DOCK4: variants seen among roughly 807,000 people sequenced by gnomAD.
DOCK4 encodes the protein dedicator of cytokinesis 4.
In DOCK4, 97 loss-of-function variants were observed where a neutral mutation model predicts 268.1. That is an observed-to-expected ratio of 0.36 (90% CI 0.31 to 0.43). The LOEUF is 0.43. DOCK4 is among the 20% of genes least tolerant of loss of function. The pLI, the probability that DOCK4 is intolerant of heterozygous loss-of-function variation, is 1.00. For synonymous variants in DOCK4, 954 were observed against 887.2 expected (o/e 1.08, Z -1.34); for missense variants, 2,145 against 2,455.7 (o/e 0.87, Z 2.67).
intron 1 of DOCK4, among the ~76,000 whole-genome samples, chr7:112,034,920 CA>C (rs1323693439): frequency 6.6e-6 from 1 of 151,494 alleles, no homozygotes; most frequent in Admixed American, 6.6e-5. Context: ...AACAAACAAA[CA>C]AAAAAAACAA....
At chr7:111,947,366 C>A (rs1255969786) in intron 8 of DOCK4, among the ~76,000 whole-genome samples, 2 of 152,182 alleles carry the variant, frequency 1.3e-5, no homozygotes, top group Admixed American at 6.5e-5. Context: ...GAATCAACTA[C>A]CTGGCTTATC....
intron 1 of DOCK4, among the ~76,000 whole-genome samples, chr7:112,066,629 T>C (rs1432984940): frequency 7.4e-6 from 1 of 135,856 alleles, no homozygotes. Flanking sequence ...TATACGTGTA[T>C]ATATACACAC....
chr7:111,873,976 G>T (rs1248197337), intron 17 of DOCK4, among the ~76,000 whole-genome samples: 2 of 152,136 alleles, frequency 1.3e-5, no homozygotes, highest in African/African-American at 4.8e-5. Context: ...ACATCCTGGG[G>T]TATGACTGAA....
intron 10 of DOCK4, among the ~76,000 whole-genome samples, chr7:111,941,105 T>C (rs1397189263): frequency 1.3e-5 from 2 of 152,144 alleles, no homozygotes; most frequent in East Asian, 3.9e-4. Context: ...CATTCATCAG[T>C]AGTAAAGGAA....
chr7:112,075,190 TG>T (rs1049184369), intron 1 of DOCK4, among the ~76,000 whole-genome samples: 6 of 152,168 alleles, frequency 3.9e-5, no homozygotes, highest in Non-Finnish European at 7.3e-5. Flanking sequence ...ACCTAATAGT[TG>T]AGCCAGGCAC....
intron 1 of DOCK4, among the ~76,000 whole-genome samples, chr7:112,135,655 T>C (rs781633902): frequency 6.6e-6 from 1 of 151,028 alleles, no homozygotes; most frequent in African/African-American, 2.4e-5. Flanking sequence ...AGGAATTAAA[T>C]ACCATCTAGA....
At chr7:111,822,536 G>A (rs940093236) in intron 26 of DOCK4, 80 bp from the exon 27 acceptor site, 6 of 1,181,950 alleles carry the variant, frequency 5.1e-6, no homozygotes, top group Non-Finnish European at 7.3e-6. Flanking sequence ...AGGCAGTACT[G>A]TTGTACTGTT....
intron 1 of DOCK4, among the ~76,000 whole-genome samples, chr7:112,179,224 C>T (rs906200235): frequency 1.3e-5 from 2 of 151,910 alleles, no homozygotes; most frequent in African/African-American, 2.4e-5. Context: ...CCTGTCTCTA[C>T]AAAAAATAAA....
rs1799347945 is a variant in DOCK4 at position 111,788,835 on chromosome 7, A to C, written c.3316-88T>G. The C allele has an allele frequency of 2.5e-6, 3 of 1,199,962 alleles. No homozygotes were observed. The African/African-American group carries it at 4.5e-5, about 18-fold the overall frequency. The allele number at this position is 1,199,962 out of a possible 1,614,324, so 74.3% of individuals were successfully genotyped here. A position where few individuals can be genotyped will look rare whatever the true frequency, so the allele number is the denominator to read the frequency against. ...TAAAACGTATTTCTTTGTGCCAAGG[A>C]AAAAGCCATGGTAAATTTTGTGAAA... On this transcript the variant is annotated intron_variant, in intron 31 of 52. Transcript: ENST00000428084.
intron 27 of DOCK4, chr7:111,820,274 G>A (rs1180018369): frequency 6.6e-6 from 1 of 152,180 alleles, no homozygotes; most frequent in Admixed American, 6.6e-5. Flanking sequence ...AGTTCCTGGA[G>A]TCCTGTCCAT....
chr7:111,945,005 C>T (rs775997270), intron 9 of DOCK4, 134 bp from the exon 10 acceptor site: 2 of 742,148 alleles, frequency 2.7e-6, no homozygotes, highest in Non-Finnish European at 4.7e-6. Context: ...AGCAGAAGTA[C>T]ATGATTTAAA....
intron 7 of DOCK4, 59 bp downstream of exon 7, chr7:111,984,247 G>GT (rs1798864146): frequency 1.4e-6 from 2 of 1,429,838 alleles, no homozygotes; most frequent in Non-Finnish European, 1.9e-6. Context: ...AGTATGAGGA[G>GT]TGCCATGGAA....
At chr7:111,817,725 C>T in intron 27 of DOCK4, among the ~76,000 whole-genome samples, 1 of 152,152 alleles carries the variant, frequency 6.6e-6, no homozygotes, top group African/African-American at 2.4e-5. Flanking sequence ...CTTTTACTAA[C>T]AGGGCCATGC....
At chr7:112,158,534 AC>A (rs1816816964) in intron 1 of DOCK4, among the ~76,000 whole-genome samples, 1 of 152,216 alleles carries the variant, frequency 6.6e-6, no homozygotes. Flanking sequence ...TCTTCAAGAT[AC>A]TAGTTATATA....
chr7:111,876,857 A>C (rs1018818507), intron 17 of DOCK4, among the ~76,000 whole-genome samples, 173 bp downstream of exon 17: 1 of 151,436 alleles, frequency 6.6e-6, no homozygotes, highest in African/African-American at 2.4e-5. Context: ...AATGACATGC[A>C]TTCAACAGGT....
At chr7:112,134,537 G>A (rs1243374072) in intron 1 of DOCK4, among the ~76,000 whole-genome samples, 5 of 147,990 alleles carry the variant, frequency 3.4e-5, no homozygotes, top group Admixed American at 1.3e-4. Flanking sequence ...GGCTAACATG[G>A]TGTAACGCCG....
intron 12 of DOCK4, among the ~76,000 whole-genome samples, chr7:111,916,635 T>C (rs1375918628): frequency 6.6e-6 from 1 of 152,154 alleles, no homozygotes; most frequent in East Asian, 1.9e-4. Context: ...ACACTTTTTA[T>C]CATATATTAT....
chr7:111,734,555 G>C (rs1275518431), intron 51 of DOCK4, among the ~76,000 whole-genome samples: 1 of 152,156 alleles, frequency 6.6e-6, no homozygotes, highest in Non-Finnish European at 1.5e-5. Context: ...GCGAAATATA[G>C]TCCTTGCATA....
chr7:111,839,384 A>C (rs530397059), intron 25 of DOCK4, among the ~76,000 whole-genome samples: 1 of 152,296 alleles, frequency 6.6e-6, no homozygotes. Context: ...CAGCTACTAG[A>C]TTAATTTTCC....
Sources: gnomAD v4.1 joint callset for allele counts (sites outside exome capture counted in the v4.1 genomes callset) on GRCh38, gnomAD v4.1.1 for gene constraint, MANE v1.5 for transcripts, NCBI Gene and HGNC (gene_info 2026-07-23, HGNC 2026-07-21) for gene names.